RANBP2: variants seen among roughly 807,000 people sequenced by gnomAD.
RANBP2 encodes the protein E3 SUMO-protein ligase RanBP2.
RANBP2 carries 57 observed loss-of-function variants against 303.6 expected under a neutral mutation model. That is an observed-to-expected ratio of 0.19 (90% CI 0.15 to 0.23). The LOEUF (loss-of-function observed/expected upper bound fraction) is 0.23. Ranked by LOEUF, RANBP2 falls within the 10% of genes least tolerant of loss-of-function variation. The pLI is 1.00. For synonymous variants in RANBP2, 1,167 were observed against 1,301.5 expected (o/e 0.90, Z 2.23); for missense variants, 3,138 against 3,780.8 (o/e 0.83, Z 4.46).
the RANBP2 span, among the ~76,000 whole-genome samples, chr2:108,794,005 A>G: frequency 1.3e-5 from 2 of 152,172 alleles, no homozygotes; most frequent in African/African-American, 4.8e-5. Flanking sequence ...AGGATGCTGT[A>G]TACAGTGTTT....
At chr2:109,370,303 G>A in the RANBP2 span, among the ~76,000 whole-genome samples, 19 of 151,188 alleles carry the variant, frequency 1.3e-4, no homozygotes, top group African/African-American at 4.4e-4. Flanking sequence ...GCAGAGGTAC[G>A]ATCTCGGCTC....
the RANBP2 span, among the ~76,000 whole-genome samples, chr2:109,163,525 A>G: frequency 7.1e-6 from 1 of 141,476 alleles, no homozygotes; most frequent in Admixed American, 7.5e-5. Context: ...CAGCCTCCCA[A>G]GTAGCTGGGA....
the RANBP2 span, among the ~76,000 whole-genome samples, chr2:109,586,727 G>GT: frequency 6.6e-6 from 1 of 151,922 alleles, no homozygotes; most frequent in Non-Finnish European, 1.5e-5. Context: ...TTTTAAGCCT[G>GT]TAAGTTAAAG....
chr2:109,328,189 A>G, the RANBP2 span, among the ~76,000 whole-genome samples: 2 of 152,222 alleles, frequency 1.3e-5, no homozygotes, highest in African/African-American at 4.8e-5. Flanking sequence ...ATATTAGTCC[A>G]TGTGTGGATT....
At chr2:108,977,434 A>G in the RANBP2 span, among the ~76,000 whole-genome samples, 1 of 152,000 alleles carries the variant, frequency 6.6e-6, no homozygotes, top group Non-Finnish European at 1.5e-5. Context: ...ATGCCTGGCT[A>G]ATTTTTTTTG....
At chr2:109,524,457 A>C in the RANBP2 span, among the ~76,000 whole-genome samples, 1 of 72,352 alleles carries the variant, frequency 1.4e-5, no homozygotes, top group African/African-American at 4.1e-5. Flanking sequence ...AAAAAAAAAA[A>C]AAAAAAAAAC....
chr2:109,649,458 CG>C, the RANBP2 span, among the ~76,000 whole-genome samples: 1 of 151,838 alleles, frequency 6.6e-6, no homozygotes, highest in African/African-American at 2.4e-5. Flanking sequence ...AGTGCGGTGG[CG>C]TGATCTCGGG....
the RANBP2 span, among the ~76,000 whole-genome samples, chr2:109,039,699 C>G: frequency 6.6e-6 from 1 of 151,908 alleles, no homozygotes; most frequent in Non-Finnish European, 1.5e-5. Context: ...AGTACCTATT[C>G]CATTATTCTC....
At position 108,771,561 on chromosome 2, in the gene RANBP2, T is replaced by G; in HGVS notation, c.7850-140T>G. ...TTCTAGTTCATGATTATCATACATC[T>G]CTGCATCAAAGTATATGTGTTTTTT... On this transcript the variant is annotated intron_variant, in intron 20 of 28. Transcript: ENST00000283195. The G allele has an allele frequency of 2.9e-6, 4 of 1,393,028 alleles. No homozygotes were observed. In the East Asian group the frequency reaches 9.6e-5, roughly 33 times the overall value. The allele number at this position is 1,393,028 out of a possible 1,614,324, so 86.3% of individuals were successfully genotyped here.
the RANBP2 span, among the ~76,000 whole-genome samples, chr2:109,471,206 CAAA>C: frequency 8.4e-3 from 337 of 40,114 alleles, no homozygotes; most frequent in African/African-American, 0.02. Flanking sequence ...GACTCTGTCT[CAAA>C]AAAAAAAAAA....
chr2:108,731,622 T>C, intron 4 of RANBP2, 148 bp downstream of exon 4: 1 of 1,443,338 alleles, frequency 6.9e-7, no homozygotes, highest in Non-Finnish European at 9.3e-7. Flanking sequence ...TTAAAACCTT[T>C]CTGAGCATCT....
the RANBP2 span, among the ~76,000 whole-genome samples, chr2:109,031,821 C>T: frequency 6.6e-6 from 1 of 152,182 alleles, no homozygotes; most frequent in South Asian, 2.1e-4. Context: ...ACCCTCCTTC[C>T]TCTAAGTATT....
the RANBP2 span, among the ~76,000 whole-genome samples, chr2:109,528,807 A>G: frequency 6.6e-6 from 1 of 152,128 alleles, no homozygotes; most frequent in Non-Finnish European, 1.5e-5. Context: ...TGAGATGGAG[A>G]CACCATCCTG....
the RANBP2 span, among the ~76,000 whole-genome samples, chr2:109,162,786 C>T: frequency 6.6e-6 from 1 of 152,146 alleles, no homozygotes; most frequent in Non-Finnish European, 1.5e-5. Flanking sequence ...GTTCTAGATC[C>T]CCGAGGAATC....
At chr2:109,371,450 A>AATGG in the RANBP2 span, 2 of 628,410 alleles carry the variant, frequency 3.2e-6, no homozygotes, top group Non-Finnish European at 5.7e-6. Context: ...CAGATACCTG[A>AATGG]ATGGATAATG....
At chr2:109,161,883 G>A in the RANBP2 span, among the ~76,000 whole-genome samples, 2 of 151,654 alleles carry the variant, frequency 1.3e-5, no homozygotes, top group African/African-American at 2.4e-5. Flanking sequence ...AGGTTTGGGG[G>A]ACAAATATCC....
chr2:109,078,100 A>ATATATATATATATATGGCG, the RANBP2 span, among the ~76,000 whole-genome samples: 1,005 of 69,944 alleles, frequency 0.014, 95 homozygotes, highest in Non-Finnish European at 0.02. Context: ...ATATATATAT[A>ATATATATATATATATGGCG]TATATATATA....
At chr2:109,092,791 A>G in the RANBP2 span, among the ~76,000 whole-genome samples, 1 of 152,222 alleles carries the variant, frequency 6.6e-6, no homozygotes, top group Admixed American at 6.5e-5. Flanking sequence ...AATAGAAAAA[A>G]GGATTTGTGT....
the RANBP2 span, chr2:109,347,987 C>A: frequency 6.4e-7 from 1 of 1,561,102 alleles, no homozygotes; most frequent in South Asian, 1.2e-5. Flanking sequence ...CCAGCCCATG[C>A]AGCCTCTGTG....
Sources: gnomAD v4.1 joint callset for allele counts (sites outside exome capture counted in the v4.1 genomes callset) on GRCh38, gnomAD v4.1.1 for gene constraint, MANE v1.5 for transcripts, NCBI Gene and HGNC (gene_info 2026-07-23, HGNC 2026-07-21) for gene names.